SDK1: variants seen among roughly 807,000 people sequenced by gnomAD.
SDK1 encodes protein sidekick-1.
Under a neutral mutation model 245.5 loss-of-function variants are expected in SDK1, and 157 were observed. The observed-to-expected ratio is 0.64, with a 90% CI of 0.56 to 0.73. SDK1 has a LOEUF of 0.73. Ranked by LOEUF, SDK1 falls within the 30% of genes least tolerant of loss-of-function variation. The pLI is 0.00. For synonymous variants in SDK1, 1,647 were observed against 1,278.5 expected (o/e 1.29, Z -6.15); for missense variants, 3,583 against 3,002.3 (o/e 1.19, Z -4.52).
intron 25 of SDK1, among the ~76,000 whole-genome samples, chr7:4,117,132 A>G (rs1403838633): frequency 6.6e-6 from 1 of 152,272 alleles, no homozygotes; most frequent in Non-Finnish European, 1.5e-5. Flanking sequence ...AACTTCTGCC[A>G]TAACCAACAA....
At chr7:4,163,568 C>T (rs1781306542) in intron 32 of SDK1, among the ~76,000 whole-genome samples, 1 of 152,224 alleles carries the variant, frequency 6.6e-6, no homozygotes, top group Admixed American at 6.5e-5. Context: ...GCAGAAGGGC[C>T]ACTCCAAGGG....
chr7:3,379,756 C>T (rs1159327037), intron 1 of SDK1, among the ~76,000 whole-genome samples: 4 of 152,062 alleles, frequency 2.6e-5, no homozygotes, highest in Admixed American at 2.6e-4. Flanking sequence ...CACATACATA[C>T]ATATAGGCTG....
chr7:3,746,474 G>C (rs189906279), intron 4 of SDK1, among the ~76,000 whole-genome samples: 208 of 152,244 alleles, frequency 1.4e-3, no homozygotes, highest in African/African-American at 4.8e-3. Context: ...TGCACTGCTT[G>C]CTGCTCTTTT....
intron 1 of SDK1, among the ~76,000 whole-genome samples, chr7:3,351,763 A>C (rs1278226654): frequency 6.6e-6 from 1 of 152,204 alleles, no homozygotes; most frequent in Non-Finnish European, 1.5e-5. Context: ...ATACAGAAAC[A>C]AGAAAAATAG....
chr7:4,119,073 G>T (rs1038746358), intron 25 of SDK1, among the ~76,000 whole-genome samples: 3 of 148,126 alleles, frequency 2.0e-5, no homozygotes, highest in Admixed American at 2.0e-4. Flanking sequence ...GGAATTGTAT[G>T]ATATATTAAT....
At chr7:3,657,643 C>A (rs1239714007) in intron 4 of SDK1, among the ~76,000 whole-genome samples, 1 of 152,060 alleles carries the variant, frequency 6.6e-6, no homozygotes, top group African/African-American at 2.4e-5. Flanking sequence ...ATCTGTTTGG[C>A]CTCTGAGGAG....
intron 1 of SDK1, among the ~76,000 whole-genome samples, chr7:3,533,960 A>G (rs765212262): frequency 2.2e-4 from 34 of 152,198 alleles, no homozygotes; most frequent in Non-Finnish European, 4.6e-4. Flanking sequence ...AAGGTGTACA[A>G]TACAGTATTG....
At chr7:3,984,172 A>G (rs529524659) in intron 13 of SDK1, among the ~76,000 whole-genome samples, 1 of 152,252 alleles carries the variant, frequency 6.6e-6, no homozygotes, top group African/African-American at 2.4e-5. Context: ...CTCTGACTAG[A>G]ATCACATCCT....
chr7:4,265,689 A>C lies in SDK1; in HGVS notation c.*305A>C, dbSNP rs1299284046. 5.2e-6 allele frequency: 6 copies of C among 1,155,220 alleles called. No homozygotes were observed. The African/African-American group carries it at 8.1e-5, about 16-fold the overall frequency. 71.6% of individuals were successfully genotyped at this position (1,155,220 alleles called of 1,614,324 possible). A position where few individuals can be genotyped will look rare whatever the true frequency, so the allele number is the denominator to read the frequency against. On this transcript the variant is annotated 3_prime_UTR_variant, in exon 45 of 45. Coordinates refer to ENST00000404826, the MANE Select transcript of SDK1 (RefSeq NM_152744.4). ...GCCTGGGAGGACCTCAGACCTCCCC[A>C]GCCCTGGGTTTCTCCGTCTTCAAGA...
intron 4 of SDK1, among the ~76,000 whole-genome samples, chr7:3,816,170 A>G (rs1310092183): frequency 6.7e-6 from 1 of 149,608 alleles, no homozygotes; most frequent in African/African-American, 2.5e-5. Flanking sequence ...ACACCCTAAC[A>G]TCACAATTAA....
intron 1 of SDK1, among the ~76,000 whole-genome samples, chr7:3,419,446 T>A (rs1287033749): frequency 6.6e-6 from 1 of 152,142 alleles, no homozygotes; most frequent in African/African-American, 2.4e-5. Context: ...TCACCTGCAG[T>A]GAGTGTCTCG....
At chr7:3,740,492 C>A (rs1229365019) in intron 4 of SDK1, among the ~76,000 whole-genome samples, 1 of 151,948 alleles carries the variant, frequency 6.6e-6, no homozygotes, top group Non-Finnish European at 1.5e-5. Flanking sequence ...TGCACAGATA[C>A]AGGTCAGATT....
At chr7:4,065,201 T>C (rs776412034) in intron 19 of SDK1, among the ~76,000 whole-genome samples, 3 of 152,024 alleles carry the variant, frequency 2.0e-5, no homozygotes, top group East Asian at 1.9e-4. Flanking sequence ...TATGTATCAA[T>C]AAAAAAGAAA....
intron 1 of SDK1, among the ~76,000 whole-genome samples, chr7:3,323,359 T>G (rs1487802096): frequency 1.3e-5 from 2 of 152,242 alleles, no homozygotes; most frequent in Non-Finnish European, 2.9e-5. Flanking sequence ...TCACGATTGC[T>G]GCTGGTGCCG....
intron 14 of SDK1, among the ~76,000 whole-genome samples, chr7:3,998,066 C>T (rs1251909509): frequency 1.3e-5 from 2 of 152,216 alleles, no homozygotes; most frequent in South Asian, 2.1e-4. Context: ...CCTGCCTGCT[C>T]CCAGCCCGCC....
intron 41 of SDK1, among the ~76,000 whole-genome samples, chr7:4,235,651 CA>C (rs1221500299): frequency 1.3e-5 from 2 of 152,202 alleles, no homozygotes; most frequent in African/African-American, 4.8e-5. Context: ...TGGTACAGAG[CA>C]ATTACACATG....
chr7:3,397,574 C>T (rs1057232097), intron 1 of SDK1, among the ~76,000 whole-genome samples: 2 of 151,700 alleles, frequency 1.3e-5, no homozygotes, highest in Non-Finnish European at 2.9e-5. Context: ...AGAGGATTCC[C>T]TGTAATATGC....
At chr7:4,234,400 C>G (rs1786014357) in intron 41 of SDK1, among the ~76,000 whole-genome samples, 1 of 152,128 alleles carries the variant, frequency 6.6e-6, no homozygotes, top group African/African-American at 2.4e-5. Flanking sequence ...ACAGACATGT[C>G]TGCAGTCAGC....
chr7:3,571,685 A>G (rs1029401871), intron 1 of SDK1, among the ~76,000 whole-genome samples: 2 of 152,098 alleles, frequency 1.3e-5, no homozygotes, highest in African/African-American at 2.4e-5. Flanking sequence ...TATTTGATCT[A>G]AAACCTTTTT....
Sources: allele counts gnomAD v4.1 joint callset (sites outside exome capture counted in the v4.1 genomes callset), GRCh38; gene constraint gnomAD v4.1.1; transcripts MANE v1.5; gene names NCBI Gene and HGNC (gene_info 2026-07-23, HGNC 2026-07-21).